ITGBL1: variants seen among roughly 807,000 people sequenced by gnomAD.
ITGBL1 encodes integrin beta-like protein 1.
Under a neutral mutation model 68.5 loss-of-function variants are expected in ITGBL1, and 51 were observed. That is an observed-to-expected ratio of 0.74 (90% CI 0.59 to 0.94). The LOEUF (loss-of-function observed/expected upper bound fraction) is 0.94, where lower values mean the gene tolerates loss of function less well. Among genes scored for constraint, ITGBL1 ranks in the 40% least tolerant of loss-of-function variants. The pLI is 0.00. For missense variants in ITGBL1, 649 were observed against 647.4 expected (o/e 1.00, Z -0.03); for synonymous variants, 209 against 227.3 (o/e 0.92, Z 0.72).
chr13:101,683,428 T>C (rs1410878865), intron 7 of ITGBL1, among the ~76,000 whole-genome samples: 1 of 152,102 alleles, frequency 6.6e-6, no homozygotes, highest in Non-Finnish European at 1.5e-5. Flanking sequence ...TTTTAATTGC[T>C]ATAGTGTTTC....
Position 101,453,935 on chromosome 13 carries a change from T to C in ITGBL1, c.151T>C (p.Cys51Arg). ...GTCCCGGGCCGAGTCGGAGCGACGC[T>C]GCCGCGCACCTGGGCAGCCCCCGGG... ...RLSRAESERR[C>R]RAPGQPPGAA... The change falls in exon 2 of 11, where the codon TGC becomes CGC. Residue 51 changes from cysteine to arginine, a missense_variant. Cys to Arg is a radical substitution (Grantham distance 180). Coordinates refer to ENST00000376180, the MANE Select transcript of ITGBL1 (RefSeq NM_004791.3). 16 of 1,408,068 alleles carry C rather than the reference T, an allele frequency of 1.1e-5. No individual in the cohort carries two copies. The highest frequency in any genetic ancestry group is 1.5e-5 in the Non-Finnish European group (16 of 1,075,334). The allele number at this position is 1,408,068 out of a possible 1,614,324, so 87.2% of individuals were successfully genotyped here.
At chr13:101,481,129 CAT>C (rs1044719773) in intron 2 of ITGBL1, among the ~76,000 whole-genome samples, 2 of 146,930 alleles carry the variant, frequency 1.4e-5, no homozygotes, top group Admixed American at 7.0e-5. Flanking sequence ...TATATATACA[CAT>C]GTGCATATAT....
chr13:101,709,711 TAA>T (rs1301053557), intron 9 of ITGBL1, among the ~76,000 whole-genome samples: 5 of 152,246 alleles, frequency 3.3e-5, no homozygotes, highest in Non-Finnish European at 7.3e-5. Context: ...TTGTTTATTT[TAA>T]GAGTCAACTA....
At chr13:101,685,610 T>G (rs980336151) in intron 7 of ITGBL1, among the ~76,000 whole-genome samples, 1 of 152,120 alleles carries the variant, frequency 6.6e-6, no homozygotes, top group African/African-American at 2.4e-5. Flanking sequence ...GGATTTCTTT[T>G]GAAAAGATTA....
At chr13:101,692,108 C>T (rs1455185323) in intron 7 of ITGBL1, among the ~76,000 whole-genome samples, 1 of 152,042 alleles carries the variant, frequency 6.6e-6, no homozygotes, top group Non-Finnish European at 1.5e-5. Context: ...AAATTGACTA[C>T]AAATAGTCAC....
At chr13:101,620,379 T>C (rs1485589193) in intron 7 of ITGBL1, among the ~76,000 whole-genome samples, 1 of 152,210 alleles carries the variant, frequency 6.6e-6, no homozygotes, top group African/African-American at 2.4e-5. Flanking sequence ...AAATCTAGAA[T>C]ATGATGTAAT....
intron 5 of ITGBL1, among the ~76,000 whole-genome samples, chr13:101,582,032 A>G (rs2050466447): frequency 6.6e-6 from 1 of 152,202 alleles, no homozygotes; most frequent in Non-Finnish European, 1.5e-5. Context: ...GTAGTGGTTG[A>G]TTGAGTGATA....
At chr13:101,518,240 C>T (rs1458325704) in intron 2 of ITGBL1, among the ~76,000 whole-genome samples, 2 of 152,084 alleles carry the variant, frequency 1.3e-5, no homozygotes, top group Admixed American at 1.3e-4. Context: ...TAAAATCATG[C>T]ATTTTTGTCC....
chr13:101,565,740 C>T (rs7989191), intron 2 of ITGBL1, among the ~76,000 whole-genome samples: 122,815 of 152,048 alleles, frequency 0.81, 49,849 homozygotes, highest in African/African-American at 0.9. Context: ...GAACAGAAGA[C>T]AGCAGACTCT....
chr13:101,639,391 CAT>C (rs779420904), intron 7 of ITGBL1, among the ~76,000 whole-genome samples: 9 of 152,068 alleles, frequency 5.9e-5, no homozygotes, highest in Admixed American at 6.6e-5. Flanking sequence ...TGAAGATACA[CAT>C]ATCTAATCAT....
At chr13:101,629,041 A>C (rs774189079) in intron 7 of ITGBL1, among the ~76,000 whole-genome samples, 1 of 152,176 alleles carries the variant, frequency 6.6e-6, no homozygotes, top group Admixed American at 6.5e-5. Context: ...CAAATTATAG[A>C]AAAAGAAAAT....
At chr13:101,511,706 C>A (rs1056268944) in intron 2 of ITGBL1, among the ~76,000 whole-genome samples, 2 of 152,060 alleles carry the variant, frequency 1.3e-5, no homozygotes, top group African/African-American at 4.8e-5. Context: ...ATTCCACAAA[C>A]AACCTGTGGT....
At chr13:101,549,966 G>A (rs550245497) in intron 2 of ITGBL1, among the ~76,000 whole-genome samples, 1 of 152,124 alleles carries the variant, frequency 6.6e-6, no homozygotes, top group African/African-American at 2.4e-5. Flanking sequence ...GCTCCTGTAA[G>A]GAAGAATATT....
chr13:101,601,403 T>C (rs2030372018), intron 7 of ITGBL1, among the ~76,000 whole-genome samples: 2 of 152,260 alleles, frequency 1.3e-5, no homozygotes, highest in South Asian at 4.2e-4. Context: ...GATTCATTGA[T>C]TTTTTGAAGG....
At chr13:101,478,605 A>T (rs1447163277) in intron 2 of ITGBL1, among the ~76,000 whole-genome samples, 1 of 152,060 alleles carries the variant, frequency 6.6e-6, no homozygotes, top group African/African-American at 2.4e-5. Flanking sequence ...CCAAAAAACT[A>T]TTAGAACTGA....
intron 7 of ITGBL1, among the ~76,000 whole-genome samples, chr13:101,639,411 A>C (rs992963020): frequency 1.3e-5 from 2 of 152,170 alleles, no homozygotes; most frequent in African/African-American, 4.8e-5. Flanking sequence ...CATCATTTGG[A>C]ATTGGGTGAG....
At chr13:101,536,052 TC>T (rs1256170890) in intron 2 of ITGBL1, among the ~76,000 whole-genome samples, 2 of 52,158 alleles carry the variant, frequency 3.8e-5, no homozygotes, top group Non-Finnish European at 7.3e-5. Context: ...CCCTTTTCTA[TC>T]TTTTTTTTTT....
chr13:101,475,499 A>G (rs2048522486), intron 2 of ITGBL1, among the ~76,000 whole-genome samples: 3 of 148,932 alleles, frequency 2.0e-5, no homozygotes, highest in Admixed American at 7.0e-5. Flanking sequence ...AGAGATCAGC[A>G]TAGAAAATTT....
At chr13:101,598,943 A>T (rs1041951800) in intron 7 of ITGBL1, among the ~76,000 whole-genome samples, 1 of 152,136 alleles carries the variant, frequency 6.6e-6, no homozygotes, top group African/African-American at 2.4e-5. Flanking sequence ...TCCCCTGGGT[A>T]TATGCCCAGT....
Sources: allele counts gnomAD v4.1 joint callset (sites outside exome capture counted in the v4.1 genomes callset), GRCh38; gene constraint gnomAD v4.1.1; transcripts MANE v1.5; gene names NCBI Gene and HGNC (gene_info 2026-07-23, HGNC 2026-07-21).